Variants in ZNF695 observed in about 807,000 individuals in gnomAD.
The protein encoded by ZNF695 is zinc finger protein SBZF3.
A neutral mutation model predicts 11.2 loss-of-function variants in ZNF695; 11 were observed. That is an observed-to-expected ratio of 0.98 (90% CI 0.62 to 1.62). The LOEUF (loss-of-function observed/expected upper bound fraction) is 1.62. Among genes scored for constraint, ZNF695 ranks in the 40% most tolerant of loss-of-function variants. The pLI, the probability that ZNF695 is intolerant of heterozygous loss-of-function variation, is 0.00. For missense variants in ZNF695, 559 were observed against 590.5 expected, an observed-to-expected ratio of 0.95 and a Z score of 0.55; for synonymous variants, 190 against 201.4, an observed-to-expected ratio of 0.94 and a Z score of 0.48.
intron 5 of ZNF695, among the ~76,000 whole-genome samples, chr1:246,962,032 G>C (rs1188900073): frequency 6.6e-6 from 1 of 152,222 alleles, no homozygotes; most frequent in African/African-American, 2.4e-5. Flanking sequence ...AGAGAAATCT[G>C]AACTTCTCTT....
chr1:246,972,420 C>T (rs941542766), intron 4 of ZNF695, among the ~76,000 whole-genome samples: 20 of 152,208 alleles, frequency 1.3e-4, no homozygotes, highest in Admixed American at 1.0e-3. Flanking sequence ...TATGAAGTCT[C>T]TCTGGATCAT....
At chr1:246,973,155 T>C (rs1668472594) in intron 4 of ZNF695, among the ~76,000 whole-genome samples, 1 of 151,712 alleles carries the variant, frequency 6.6e-6, no homozygotes, top group Non-Finnish European at 1.5e-5. Flanking sequence ...GTTCAAGAGA[T>C]TCTCCTGCCT....
chr1:246,982,282 A>AAAAG (rs1186720436), downstream of ZNF695, among the ~76,000 whole-genome samples: 7 of 151,832 alleles, frequency 4.6e-5, no homozygotes, highest in Non-Finnish European at 7.4e-5. Flanking sequence ...AAAAAAAAAA[A>AAAAG]AAAAAAGATT....
intron 4 of ZNF695, chr1:246,968,962 G>A (rs1184926306): frequency 6.6e-6 from 1 of 152,292 alleles, no homozygotes; most frequent in Non-Finnish European, 1.5e-5. Flanking sequence ...CCTGTGATGA[G>A]AGGGGCTGCC....
At chr1:246,945,660 A>G (rs893379993), downstream of ZNF695, 10 of 818,160 alleles carry the variant, frequency 1.2e-5, no homozygotes, top group African/African-American at 1.6e-4. Context: ...TTTCATATTC[A>G]TCAGAAATAG....
chr1:246,988,217 G>A lies in ZNF695; in HGVS notation c.298C>T (p.Gln100Ter), dbSNP rs746757729. 13 of 1,586,206 alleles carry A rather than the reference G, an allele frequency of 8.2e-6. No individual in the cohort carries two copies. The highest frequency in any genetic ancestry group is 6.7e-5 in the East Asian group (3 of 44,668). Residue 100 changes from glutamine (Q) to a stop codon, truncating the protein, a stop_gained, in exon 4 of 4, where the codon CAG becomes TAG. Coordinates refer to ENST00000339986, the MANE Select transcript of ZNF695 (RefSeq NM_020394.5). LOFTEE classifies it low-confidence loss of function (END_TRUNC). ...TTTTGGAATGAAACTTGCAGGCCCT[G>A]CTCTGGCAAAATGTCTTCAGTAAGA... The part of the protein sequence containing the change: ...SYLTEDILPE[Q>*]GLQVSFQKVM...
chr1:246,988,335 C>T, intron 3 of ZNF695, 80 bp from the exon 4 acceptor site: 2 of 1,082,776 alleles, frequency 1.8e-6, no homozygotes, highest in Non-Finnish European at 2.6e-6. Context: ...ATTATACAAG[C>T]ATATTAGCAA....
intron 1 of ZNF695, 91 bp from the exon 2 acceptor site, chr1:247,000,165 A>G: frequency 1.9e-6 from 2 of 1,072,686 alleles, no homozygotes; most frequent in Non-Finnish European, 2.7e-6. Context: ...ACTGGCTCTG[A>G]CTTATATGAG....
At chr1:246,950,365 C>T (rs1046379667) in intron 5 of ZNF695, among the ~76,000 whole-genome samples, 1 of 151,964 alleles carries the variant, frequency 6.6e-6, no homozygotes, top group East Asian at 1.9e-4. Context: ...AATAATCCAC[C>T]CAGGCCAGGG....
At chr1:246,976,295 T>A (rs1238279444) in intron 4 of ZNF695, among the ~76,000 whole-genome samples, 1 of 152,156 alleles carries the variant, frequency 6.6e-6, no homozygotes, top group Non-Finnish European at 1.5e-5. Context: ...AATGAAATAG[T>A]CATTTCTACA....
rs563010819 is a variant in ZNF695, at chr1:246,977,446, C to T, written c.391-9654G>A. On this transcript the variant is annotated intron_variant, in intron 4 of 5. Coordinates refer to the ZNF695 transcript ENST00000487338. ...TAATTTTTGTTGTTTTTAGTAGAGG[C>T]GGGGTTTTGCCATGTTGGCCAGGTT... Among the ~76,000 whole-genome samples the T allele has an allele frequency of 2.2e-3, 338 of 152,216 alleles. 1 individual carries two copies. Among genetic ancestry groups the T allele is most frequent in the Non-Finnish European group, 3.5e-3 (235 of 67,984 alleles).
chr1:246,995,331 T>C (rs556280053), intron 3 of ZNF695, among the ~76,000 whole-genome samples: 1 of 152,222 alleles, frequency 6.6e-6, no homozygotes, highest in Admixed American at 6.5e-5. Context: ...ATGTTCTTCA[T>C]GGGCTAGAAG....
chr1:246,983,190 C>A (rs1231245364), downstream of ZNF695, among the ~76,000 whole-genome samples: 1 of 142,770 alleles, frequency 7.0e-6, no homozygotes, highest in South Asian at 2.2e-4. Context: ...GGTGACAGAG[C>A]GAGACTCTGT....
intron 5 of ZNF695, among the ~76,000 whole-genome samples, chr1:246,953,176 T>C (rs1436383996): frequency 2.6e-5 from 4 of 152,306 alleles, no homozygotes; most frequent in East Asian, 3.9e-4. Context: ...TAAGGGAACA[T>C]TGGCAGATTC....
At chr1:247,003,388 A>G (rs1669445623) in intron 1 of ZNF695, among the ~76,000 whole-genome samples, 1 of 152,224 alleles carries the variant, frequency 6.6e-6, no homozygotes, top group East Asian at 1.9e-4. Context: ...TATATGTGGG[A>G]GCTAAATATT....
intron 1 of ZNF695, among the ~76,000 whole-genome samples, chr1:247,002,404 T>C (rs1669412894): frequency 6.6e-6 from 1 of 152,186 alleles, no homozygotes; most frequent in African/African-American, 2.4e-5. Flanking sequence ...TTCAAAAAGT[T>C]AGAAAAATCT....
At chr1:246,994,414 G>A (rs374400046) in intron 3 of ZNF695, among the ~76,000 whole-genome samples, 136 of 152,200 alleles carry the variant, frequency 8.9e-4, no homozygotes, top group African/African-American at 3.1e-3. Context: ...GGTGGCACGC[G>A]CCTGTAACCC....
chr1:246,995,978 C>T (rs971596354), intron 3 of ZNF695: 32 of 448,168 alleles, frequency 7.1e-5, no homozygotes, highest in African/African-American at 6.3e-4. Flanking sequence ...TTTATTGCAA[C>T]ATTATTCACA....
intron 5 of ZNF695, among the ~76,000 whole-genome samples, chr1:246,946,067 G>A (rs1041958197): frequency 1.3e-5 from 2 of 152,132 alleles, no homozygotes; most frequent in African/African-American, 4.8e-5. Context: ...AAATACGGGA[G>A]GTTTGAGCTT....
Sources: gnomAD v4.1 joint callset for allele counts (sites outside exome capture counted in the v4.1 genomes callset) on GRCh38, gnomAD v4.1.1 for gene constraint, MANE v1.5 for transcripts, NCBI Gene and HGNC (gene_info 2026-07-23, HGNC 2026-07-21) for gene names.